The following ASTN1 variants were observed in gnomAD, a reference collection of about 807,000 sequenced individuals.
The protein encoded by ASTN1 is astrotactin-1.
ASTN1 carries 41 observed loss-of-function variants against 140.7 expected under a neutral mutation model. The ratio of observed to expected loss-of-function variants is 0.29; its 90% CI spans 0.23 to 0.38. The LOEUF is 0.38. ASTN1 is among the 10% of genes least tolerant of loss of function. The pLI, the probability that ASTN1 is intolerant of heterozygous loss-of-function variation, is 1.00. For synonymous variants in ASTN1, 640 were observed against 652.2 expected (o/e 0.98, Z 0.29); for missense variants, 1,479 against 1,678.8 (o/e 0.88, Z 2.08).
chr1:177,006,109 T>C (rs1674980636), intron 8 of ASTN1, among the ~76,000 whole-genome samples: 1 of 152,198 alleles, frequency 6.6e-6, no homozygotes, highest in Non-Finnish European at 1.5e-5. Flanking sequence ...TGCTGTCTTC[T>C]TTCCTCTAAA....
In ASTN1 at chr1:176,864,292, C is replaced by A. The variant is rs1166521591; in HGVS notation, c.3877G>T (p.Glu1293Ter). 6.2e-7 allele frequency: 1 copy of A among 1,613,992 alleles called. No individual in the cohort carries two copies. Among genetic ancestry groups the A allele is most frequent in the Admixed American group, 1.7e-5 (1 of 60,030 alleles). Residue 1293 changes from glutamate (E) to a stop codon, truncating the protein, a stop_gained, in exon 23 of 23, where the codon GAG becomes TAG. Transcript: ENST00000361833. LOFTEE classifies it high-confidence loss of function. ...IPYNDYGDSKEI is the reference protein window; with the variant it reads ...IPYNDYGDSK ...TCCCTGGCCTTATGGTGCTAGATCT[C>A]TTTGCTGTCCCCATAGTCGTTGTAG... is the stretch of plus-strand genomic sequence containing the variant.
At chr1:177,138,442 G>A (rs1316408263) in intron 1 of ASTN1, among the ~76,000 whole-genome samples, 3 of 152,210 alleles carry the variant, frequency 2.0e-5, no homozygotes, top group Non-Finnish European at 4.4e-5. Context: ...TGGTAGGGTG[G>A]AGGGGAAGCC....
chr1:176,957,930 C>G (rs939224309), intron 10 of ASTN1, 102 bp from the exon 11 acceptor site: 3 of 1,345,272 alleles, frequency 2.2e-6, no homozygotes, highest in Non-Finnish European at 3.0e-6. Context: ...TGAATTGTGT[C>G]TCACTCTGTC....
chr1:177,065,656 G>C (rs1029669781), intron 1 of ASTN1, among the ~76,000 whole-genome samples: 2 of 152,184 alleles, frequency 1.3e-5, no homozygotes, highest in African/African-American at 2.4e-5. Flanking sequence ...AACCACAGGA[G>C]GTCTTGTTAA....
chr1:176,947,756 A>C (rs1461952776), intron 12 of ASTN1, among the ~76,000 whole-genome samples: 3 of 152,126 alleles, frequency 2.0e-5, no homozygotes, highest in South Asian at 2.1e-4. Flanking sequence ...ACACTGCCTC[A>C]TCTTCCTCAT....
intron 1 of ASTN1, among the ~76,000 whole-genome samples, chr1:177,116,439 C>G (rs1395973177): frequency 6.6e-6 from 1 of 152,144 alleles, no homozygotes; most frequent in African/African-American, 2.4e-5. Context: ...TAGTTTATCA[C>G]TAAATCTTTA....
Position 176,888,167 on chromosome 1 carries a change from G to A in ASTN1, c.2978C>T (p.Ser993Leu). The change falls in exon 18 of 23, where the codon TCA (serine) becomes TTA (leucine). Residue 993 changes from serine to leucine, a missense_variant. Transcript: ENST00000361833. Reference protein sequence around the residue: ...QEATMSSLWCSGTGDVIEDWC... With the variant: ...QEATMSSLWCLGTGDVIEDWC... ...GTCCTCGATGACATCTCCAGTCCCT[G>A]AGCACCAGAGAGAGCTCATGGTAGC... 6.2e-7 allele frequency: 1 copy of A among 1,614,080 alleles called. No homozygotes were observed. The highest frequency in any genetic ancestry group is 2.2e-5 in the East Asian group (1 of 44,874).
At chr1:176,930,038 T>A (rs1287032416) in intron 16 of ASTN1, among the ~76,000 whole-genome samples, 1 of 152,020 alleles carries the variant, frequency 6.6e-6, no homozygotes, top group Non-Finnish European at 1.5e-5. Flanking sequence ...GATGGTGAGT[T>A]GTAGAATGGA....
chr1:177,156,099 G>A (rs1323272849), intron 1 of ASTN1, among the ~76,000 whole-genome samples: 3 of 151,836 alleles, frequency 2.0e-5, no homozygotes, highest in African/African-American at 4.8e-5. Context: ...GTGAAACTCC[G>A]TCTCTACTAA....
chr1:177,163,598 G>C (rs1419982636), intron 1 of ASTN1, among the ~76,000 whole-genome samples: 1 of 152,146 alleles, frequency 6.6e-6, no homozygotes, highest in African/African-American at 2.4e-5. Flanking sequence ...AACAAACAAA[G>C]GAAGGAAGAG....
intron 9 of ASTN1, among the ~76,000 whole-genome samples, chr1:176,959,625 C>T (rs1672568469): frequency 6.6e-6 from 1 of 152,164 alleles, no homozygotes; most frequent in African/African-American, 2.4e-5. Flanking sequence ...TCTGCCTACA[C>T]CCTGAAAGAG....
intron 1 of ASTN1, among the ~76,000 whole-genome samples, chr1:177,076,786 G>T (rs1221783977): frequency 6.6e-6 from 1 of 152,134 alleles, no homozygotes; most frequent in Non-Finnish European, 1.5e-5. Flanking sequence ...GCCTCCCAAA[G>T]TGCTGGGATT....
chr1:177,111,652 C>G (rs771133829), intron 1 of ASTN1, among the ~76,000 whole-genome samples: 1 of 152,150 alleles, frequency 6.6e-6, no homozygotes, highest in Non-Finnish European at 1.5e-5. Flanking sequence ...TCTGATAGAG[C>G]TGATAAGATA....
intron 16 of ASTN1, among the ~76,000 whole-genome samples, chr1:176,901,094 T>C (rs1669746637): frequency 6.6e-6 from 1 of 152,322 alleles, no homozygotes; most frequent in Non-Finnish European, 1.5e-5. Flanking sequence ...GTCTGGGGCA[T>C]TGCTGTTCTG....
At chr1:177,111,344 C>G (rs1680815275) in intron 1 of ASTN1, among the ~76,000 whole-genome samples, 1 of 152,102 alleles carries the variant, frequency 6.6e-6, no homozygotes, top group South Asian at 2.1e-4. Flanking sequence ...ATACCGATGT[C>G]ACCTAAAGCA....
intron 1 of ASTN1, among the ~76,000 whole-genome samples, chr1:177,066,658 C>T (rs1393736359): frequency 6.6e-6 from 1 of 152,210 alleles, no homozygotes. Flanking sequence ...ATGTCAGGAT[C>T]AGGATTTCTC....
chr1:177,046,493 G>C (rs2102004734), intron 2 of ASTN1, among the ~76,000 whole-genome samples: 1 of 152,296 alleles, frequency 6.6e-6, no homozygotes, highest in South Asian at 2.1e-4. Flanking sequence ...CCAGAAGGCT[G>C]AGTCAGGGGC....
chr1:177,089,593 C>G (rs935303794), intron 1 of ASTN1, among the ~76,000 whole-genome samples: 1 of 152,142 alleles, frequency 6.6e-6, no homozygotes. Context: ...GCCATCCTTT[C>G]TCTCGCACAC....
At chr1:177,143,851 G>A (rs1304153576) in intron 1 of ASTN1, among the ~76,000 whole-genome samples, 1 of 152,048 alleles carries the variant, frequency 6.6e-6, no homozygotes, top group African/African-American at 2.4e-5. Context: ...TAATTTCTTA[G>A]TTTTCATCAT....
Sources: allele counts gnomAD v4.1 joint callset (sites outside exome capture counted in the v4.1 genomes callset), GRCh38; gene constraint gnomAD v4.1.1; transcripts MANE v1.5; gene names NCBI Gene and HGNC (gene_info 2026-07-23, HGNC 2026-07-21).